The following MAD1L1 variants were observed in gnomAD, a reference collection of about 807,000 sequenced individuals.
The protein encoded by MAD1L1 is mitotic spindle assembly checkpoint protein MAD1.
Under a neutral mutation model 96.9 loss-of-function variants are expected in MAD1L1, and 95 were observed. That is an observed-to-expected ratio of 0.98 (90% CI 0.83 to 1.16). MAD1L1 has a LOEUF of 1.16. Among genes scored for constraint, MAD1L1 ranks in the 50% most tolerant of loss-of-function variants. The pLI is 0.00. For missense variants in MAD1L1, 1,007 were observed against 954.4 expected (o/e 1.06, Z -0.73); for synonymous variants, 473 against 396.6 (o/e 1.19, Z -2.29).
chr7:1,903,442 G>C (rs1273942405), intron 17 of MAD1L1, among the ~76,000 whole-genome samples: 2 of 149,494 alleles, frequency 1.3e-5, no homozygotes, highest in South Asian at 2.1e-4. Context: ...CACTGTTCCA[G>C]GCAGCGAGGA....
At chr7:2,006,019 T>A (rs1298994717) in intron 13 of MAD1L1, among the ~76,000 whole-genome samples, 2 of 151,422 alleles carry the variant, frequency 1.3e-5, no homozygotes, top group Admixed American at 6.6e-5. Context: ...TCCATGGGCA[T>A]GGAGATGGGG....
intron 18 of MAD1L1, among the ~76,000 whole-genome samples, chr7:1,825,047 G>A (rs1235836410): frequency 1.3e-5 from 2 of 152,146 alleles, no homozygotes; most frequent in African/African-American, 2.4e-5. Context: ...GTGCTGGGAC[G>A]GAAAGTGACT....
In MAD1L1 at chr7:2,114,992, G is replaced by C. The variant is rs922377906; in HGVS notation, c.1073+34160C>G. Among the ~76,000 whole-genome samples, 2 of 152,228 alleles carry C rather than the reference G, an allele frequency of 1.3e-5. No homozygotes were observed. Among genetic ancestry groups the C allele is most frequent in the Admixed American group, 1.3e-4 (2 of 15,286 alleles). On this transcript the variant is annotated intron_variant, in intron 11 of 18. Transcript: ENST00000265854. This position sits in a 1 kb window ranked among gnomAD's most constrained non-coding sequence, Gnocchi z 4.2. The stretch of plus-strand genomic sequence containing the variant: ...TGTTCCCAGGGTAGAAACAGTGACG[G>C]GCCAGTGCAGCAGAGAAGAGCAGAG...
chr7:2,122,239 C>A (rs577671819), intron 11 of MAD1L1, among the ~76,000 whole-genome samples: 3 of 152,206 alleles, frequency 2.0e-5, no homozygotes, highest in Non-Finnish European at 4.4e-5. Context: ...TCAGACTGCC[C>A]GCGTCAGACC....
At chr7:2,010,085 T>G (rs1476947682) in intron 13 of MAD1L1, among the ~76,000 whole-genome samples, 3 of 150,274 alleles carry the variant, frequency 2.0e-5, no homozygotes, top group African/African-American at 7.4e-5. Flanking sequence ...TTTTTTTTTT[T>G]TTTTTTTTGG....
At chr7:2,066,084 C>T (rs535766706) in intron 12 of MAD1L1, among the ~76,000 whole-genome samples, 5 of 152,298 alleles carry the variant, frequency 3.3e-5, no homozygotes, top group African/African-American at 7.2e-5. Context: ...CAATTAAATC[C>T]TTAGACTAGA....
In MAD1L1 at chr7:1,900,174, G is replaced by A. The variant is rs184078002; in HGVS notation, c.1808-1784C>T. 1.1e-4 allele frequency among the ~76,000 whole-genome samples: 16 copies of A among 152,338 alleles called. 1 individual carries two copies. In the East Asian group the frequency reaches 1.7e-3, roughly 17 times the overall value. On this transcript the variant is annotated intron_variant, in intron 17 of 18. Transcript: ENST00000265854. ...GCCTGGCTATGACAGCTATGAACAC[G>A]ATCCGATCCCCAATCCACACACAAT...
chr7:1,895,616 C>G (rs1417096930), intron 18 of MAD1L1, among the ~76,000 whole-genome samples: 1 of 152,268 alleles, frequency 6.6e-6, no homozygotes. Flanking sequence ...ACACTGTCCA[C>G]CTGAGCCAGC....
chr7:1,933,027 C>G (rs1465511051), intron 17 of MAD1L1, among the ~76,000 whole-genome samples: 2 of 152,182 alleles, frequency 1.3e-5, no homozygotes, highest in Non-Finnish European at 1.5e-5. Flanking sequence ...TTGCTGAAGC[C>G]CCGTCTTCTC....
chr7:2,098,178 A>G (rs1786591971), intron 11 of MAD1L1, among the ~76,000 whole-genome samples: 1 of 152,170 alleles, frequency 6.6e-6, no homozygotes, highest in Non-Finnish European at 1.5e-5. Context: ...AGGACTCAAA[A>G]TGACCTTGAG....
At chr7:1,929,498 T>C (rs1196615952) in intron 17 of MAD1L1, among the ~76,000 whole-genome samples, 1 of 152,112 alleles carries the variant, frequency 6.6e-6, no homozygotes, top group Admixed American at 6.5e-5. Flanking sequence ...AAGGGTTGTT[T>C]AGTGACTGCC....
At chr7:2,105,466 C>A (rs565171424) in intron 11 of MAD1L1, among the ~76,000 whole-genome samples, 5 of 152,038 alleles carry the variant, frequency 3.3e-5, no homozygotes, top group East Asian at 1.9e-4. Context: ...GCACAGCCTG[C>A]GCTGGGGCAA....
chr7:2,215,808 G>T lies in MAD1L1; in HGVS notation c.924+77C>A, dbSNP rs141349295. 4.8e-4 allele frequency: 642 copies of T among 1,328,586 alleles called. 6 individuals carry two copies. The African/African-American group carries it at 7.7e-3, about 16-fold the overall frequency. The allele number at this position is 1,328,586 out of a possible 1,614,324, so 82.3% of individuals were successfully genotyped here. A position where few individuals can be genotyped will look rare whatever the true frequency, so the allele number is the denominator to read the frequency against. On this transcript the variant is annotated intron_variant, in intron 9 of 18. Transcript: ENST00000265854. ...CATGTTGTAGGTGAGCAGCTGGTGG[G>T]CGTGACCACAATACCGAGGCTCCTC...
chr7:1,941,747 C>T (rs1475981529), intron 16 of MAD1L1, among the ~76,000 whole-genome samples: 1 of 152,240 alleles, frequency 6.6e-6, no homozygotes, highest in Non-Finnish European at 1.5e-5. Flanking sequence ...ATTCACTGGG[C>T]ACCTGCGGCT....
intron 18 of MAD1L1, among the ~76,000 whole-genome samples, chr7:1,818,087 C>A (rs1356513893): frequency 6.6e-6 from 1 of 152,158 alleles, no homozygotes; most frequent in South Asian, 2.1e-4. Flanking sequence ...TCTGACCTTT[C>A]GCTGAGAAAA....
rs1433041383 is a variant in MAD1L1, at chr7:1,820,403, G to A, written c.1999-4175C>T. 3.3e-5 allele frequency among the ~76,000 whole-genome samples: 5 copies of A among 152,070 alleles called. No homozygotes were observed. In the East Asian group the frequency reaches 5.8e-4, roughly 18 times the overall value. On this transcript the variant is annotated intron_variant, in intron 18 of 18. Transcript: ENST00000265854. ...GAAAAACAAGCCCGAAGCAGGAGGA[G>A]GAAATAATACAAGTAGGAATGAACA...
At chr7:1,843,847 G>A (rs927234330) in intron 18 of MAD1L1, among the ~76,000 whole-genome samples, 16 of 152,206 alleles carry the variant, frequency 1.1e-4, no homozygotes, top group African/African-American at 3.9e-4. Context: ...CGTGAGCTCC[G>A]AATGATTTTA....
chr7:2,162,091 T>C (rs189943778), intron 10 of MAD1L1, among the ~76,000 whole-genome samples: 34,699 of 151,148 alleles, frequency 0.23, 4,143 homozygotes, highest in Middle Eastern at 0.36. Context: ...GGGAGGTGTA[T>C]CCAACAGCTC....
At chr7:1,900,660 C>T (rs763011832) in intron 17 of MAD1L1, among the ~76,000 whole-genome samples, 5 of 152,184 alleles carry the variant, frequency 3.3e-5, no homozygotes, top group Non-Finnish European at 7.3e-5. Flanking sequence ...CAAGGAAGAA[C>T]GCAGAGACCA....
Sources: gnomAD v4.1 joint callset for allele counts (sites outside exome capture counted in the v4.1 genomes callset) on GRCh38, gnomAD v4.1.1 for gene constraint, Gnocchi (gnomAD v3.1) non-coding constraint, MANE v1.5 for transcripts, NCBI Gene and HGNC (gene_info 2026-07-23, HGNC 2026-07-21) for gene names.